The following NECTIN2 variants were observed in gnomAD, a reference collection of about 807,000 sequenced individuals.
NECTIN2 encodes the protein nectin-2.
Under a neutral mutation model 56.9 loss-of-function variants are expected in NECTIN2, and 23 were observed. That is an observed-to-expected ratio of 0.40 (90% CI 0.29 to 0.57). NECTIN2 has a LOEUF of 0.57. Among genes scored for constraint, NECTIN2 ranks in the 20% least tolerant of loss-of-function variants. The pLI, the probability that NECTIN2 is intolerant of heterozygous loss-of-function variation, is 0.38. For missense variants in NECTIN2, 587 were observed against 718.3 expected, an observed-to-expected ratio of 0.82 and a Z score of 2.09; for synonymous variants, 302 against 313.8, an observed-to-expected ratio of 0.96 and a Z score of 0.40.
chr19:44,860,793 G>C (rs1278040315), intron 1 of NECTIN2, among the ~76,000 whole-genome samples: 1 of 151,854 alleles, frequency 6.6e-6, no homozygotes, highest in Non-Finnish European at 1.5e-5. Flanking sequence ...ATTTCACCGT[G>C]TTGGCCAGGC....
intron 1 of NECTIN2, among the ~76,000 whole-genome samples, chr19:44,864,020 C>T (rs954802902): frequency 1.3e-5 from 2 of 151,414 alleles, no homozygotes; most frequent in African/African-American, 4.9e-5. Context: ...ATTCCCCCCC[C>T]CCAAAAAAAA....
intron 3 of NECTIN2, among the ~76,000 whole-genome samples, 175 bp downstream of exon 3, chr19:44,872,324 C>T (rs1843513793): frequency 6.6e-6 from 1 of 152,182 alleles, no homozygotes; most frequent in South Asian, 2.1e-4. Flanking sequence ...CATACTTCCC[C>T]CTCATTGTCT....
rs899541226 is a variant in NECTIN2, at chr19:44,874,243, G to C, written c.894-87G>C. 4.0e-6 allele frequency: 6 copies of C among 1,502,070 alleles called. No homozygotes were observed. The highest frequency in any genetic ancestry group is 1.4e-5 in the African/African-American group (1 of 72,336). The allele number at this position is 1,502,070 out of a possible 1,614,324, so 93.0% of individuals were successfully genotyped here. On this transcript the variant is annotated intron_variant, in intron 4 of 8. Coordinates refer to ENST00000252483, the MANE Select transcript of NECTIN2 (RefSeq NM_001042724.2). This position sits in a 1 kb window ranked among gnomAD's most constrained non-coding sequence, Gnocchi z 6.3. ...GGAGTACTTAGGTCCCTGGAGCTTG[G>C]CTCCTGGTGGGTGTATCTTTAGGGA... is the stretch of plus-strand genomic sequence containing the variant.
At chr19:44,855,378 T>C (rs1968954632) in intron 1 of NECTIN2, among the ~76,000 whole-genome samples, 1 of 151,796 alleles carries the variant, frequency 6.6e-6, no homozygotes, top group Non-Finnish European at 1.5e-5. Context: ...TGAGCCGAGA[T>C]AGTGGCACTG....
intron 2 of NECTIN2, among the ~76,000 whole-genome samples, chr19:44,871,496 C>T (rs1264289737): frequency 1.3e-5 from 2 of 151,838 alleles, no homozygotes; most frequent in East Asian, 1.9e-4. Flanking sequence ...CCACTGCACT[C>T]GAGACCAGGT....
At chr19:44,870,282 G>C (rs3852857) in intron 2 of NECTIN2, among the ~76,000 whole-genome samples, 21,726 of 152,132 alleles carry the variant, frequency 0.14, 1,898 homozygotes, top group African/African-American at 0.24. Context: ...CGGGCCCTGA[G>C]TCACTATTCT....
In NECTIN2 at chr19:44,882,332, G is replaced by A. The variant is rs1222162380; in HGVS notation, c.1164G>A (p.Glu388=). ...TTATCTGCCGGCAGCAGCGGAAGGA[G>A]CAGACGCTGCAGGGGGCAGAGGAGG... ...GILICRQQRK[E]QTLQGAEEDE... The change falls in exon 6 of 9, where the codon GAG becomes GAA. Residue 388 remains glutamate (E), a synonymous_variant. Coordinates refer to ENST00000252483, the MANE Select transcript of NECTIN2 (RefSeq NM_001042724.2). 1.3e-6 allele frequency: 2 copies of A among 1,524,932 alleles called. No homozygotes were observed. The highest frequency in any genetic ancestry group is 2.5e-5 in the East Asian group (1 of 39,610). The allele number at this position is 1,524,932 out of a possible 1,614,324, so 94.5% of individuals were successfully genotyped here.
chr19:44,867,934 G>C (rs1288118941), intron 2 of NECTIN2, among the ~76,000 whole-genome samples: 2 of 152,142 alleles, frequency 1.3e-5, no homozygotes, highest in African/African-American at 4.8e-5. Context: ...GCTGGGACGA[G>C]AGGGGAGAAG....
chr19:44,879,605 A>C (rs1017298670), intron 5 of NECTIN2, among the ~76,000 whole-genome samples: 2 of 152,002 alleles, frequency 1.3e-5, no homozygotes, highest in African/African-American at 4.8e-5. Flanking sequence ...AGCTCCCTCC[A>C]GCTCCTCTCA....
At position 44,871,970 on chromosome 19, in the gene NECTIN2, C is replaced by T; in HGVS notation, c.596C>T (p.Ser199Phe). The change falls in exon 3 of 9, where the codon TCC (serine) becomes TTC (phenylalanine). Residue 199 changes from serine to phenylalanine, a missense_variant. Coordinates refer to ENST00000252483, the MANE Select transcript of NECTIN2 (RefSeq NM_001042724.2). ...CCTGCCCGGATCTCCTGGCTCTCAT[C>T]CCTGGACTGGGAAGCCAAAGAGACT... ...RPPARISWLSSLDWEAKETQV... is the reference protein window; with the variant it reads ...RPPARISWLSFLDWEAKETQV... The T allele has an allele frequency of 6.2e-7, 1 of 1,614,180 alleles. No individual in the cohort carries two copies. The highest frequency in any genetic ancestry group is 2.2e-5 in the East Asian group (1 of 44,876).
chr19:44,846,499 C>A lies in NECTIN2; in HGVS notation c.-27C>A, dbSNP rs1968835081. On this transcript the variant is annotated 5_prime_UTR_variant, in exon 1 of 9. Coordinates refer to ENST00000252483, the MANE Select transcript of NECTIN2 (RefSeq NM_001042724.2). ...ACAGAGTGGCCCGCGGGCCTCCGGC[C>A]GGGCCCAGTCCCCTCCCGGGCCCTC... 4.2e-6 allele frequency: 6 copies of A among 1,445,552 alleles called. No homozygotes were observed. The highest frequency in any genetic ancestry group is 4.5e-6 in the Non-Finnish European group (5 of 1,109,210). 89.5% of individuals were successfully genotyped at this position (1,445,552 alleles called of 1,614,324 possible).
Position 44,882,296 on chromosome 19 carries a change from C to A in NECTIN2, c.1128C>A (p.Ala376=). The A allele has an allele frequency of 1.3e-6, 2 of 1,563,050 alleles. No homozygotes were observed. The highest frequency in any genetic ancestry group is 8.7e-7 in the Non-Finnish European group (1 of 1,154,258). ...IAAIIATAVA[A]TGILICRQQR... ...CCATCATTGCTACTGCTGTGGCTGC[C>A]ACGGGCATCCTTATCTGCCGGCAGC... Residue 376 remains alanine, a synonymous_variant, in exon 6 of 9, where the codon GCC becomes GCA. Coordinates refer to ENST00000252483, the MANE Select transcript of NECTIN2 (RefSeq NM_001042724.2).
chr19:44,862,390 G>A (rs1434250606), intron 1 of NECTIN2, among the ~76,000 whole-genome samples: 2 of 151,416 alleles, frequency 1.3e-5, no homozygotes, highest in African/African-American at 4.9e-5. Context: ...ACTCAGGCCT[G>A]GGCAAAAGAG....
chr19:44,862,918 G>A (rs1969050038), intron 1 of NECTIN2, among the ~76,000 whole-genome samples: 1 of 151,330 alleles, frequency 6.6e-6, no homozygotes. Context: ...GGGAGCCCGA[G>A]GCGGCAGATC....
chr19:44,871,952 G>A lies in NECTIN2; in HGVS notation c.578G>A (p.Arg193Gln), dbSNP rs368183799. The change falls in exon 3 of 9, where the codon CGG becomes CAG. Residue 193 changes from arginine to glutamine, a missense_variant. Coordinates refer to ENST00000252483, the MANE Select transcript of NECTIN2 (RefSeq NM_001042724.2). ...CISKEGRPPA[R>Q]ISWLSSLDWE... ...TCCAAAGAGGGCCGCCCACCTGCCC[G>A]GATCTCCTGGCTCTCATCCCTGGAC... The A allele has an allele frequency of 6.8e-6, 11 of 1,613,994 alleles. No individual in the cohort carries two copies. The highest frequency in any genetic ancestry group is 5.5e-5 in the South Asian group (5 of 91,088).
intron 1 of NECTIN2, among the ~76,000 whole-genome samples, chr19:44,855,457 G>T (rs2122637808): frequency 6.6e-6 from 1 of 152,064 alleles, no homozygotes; most frequent in Non-Finnish European, 1.5e-5. Context: ...GAATCCCAGA[G>T]ACCCAGGGAC....
intron 2 of NECTIN2, among the ~76,000 whole-genome samples, chr19:44,868,737 C>A (rs1466618348): frequency 6.6e-6 from 1 of 151,616 alleles, no homozygotes; most frequent in African/African-American, 2.4e-5. Context: ...CACGGTGAAA[C>A]CCCATCTCTA....
chr19:44,863,522 T>C (rs519825), intron 1 of NECTIN2, among the ~76,000 whole-genome samples: 50,489 of 152,080 alleles, frequency 0.33, 9,276 homozygotes, highest in Non-Finnish European at 0.39. Flanking sequence ...ATGCAATATA[T>C]GTATGTAAGA....
rs548528722 is a variant in NECTIN2 at position 44,850,891 on chromosome 19, G to A, written c.88+4278G>A. ...GCCTTCAAGGGCCTTCTCTAGTCCCGACGTGCCTTGCCATGGGAGGCTGGG... is the reference window on the plus strand; with the variant it reads ...GCCTTCAAGGGCCTTCTCTAGTCCCAACGTGCCTTGCCATGGGAGGCTGGG... On this transcript the variant is annotated intron_variant, in intron 1 of 8. Transcript: ENST00000252483. 8.5e-5 allele frequency among the ~76,000 whole-genome samples: 13 copies of A among 152,282 alleles called. No individual in the cohort carries two copies. In the East Asian group the frequency reaches 1.2e-3, roughly 14 times the overall value.
Sources: allele counts gnomAD v4.1 joint callset (sites outside exome capture counted in the v4.1 genomes callset), GRCh38; gene constraint gnomAD v4.1.1; non-coding constraint Gnocchi (gnomAD v3.1); transcripts MANE v1.5; gene names NCBI Gene and HGNC (gene_info 2026-07-23, HGNC 2026-07-21).